Variants in SRSF6 observed in about 807,000 individuals in gnomAD.
SRSF6 encodes serine/arginine-rich splicing factor 6.
SRSF6 carries 17 observed loss-of-function variants against 42.0 expected under a neutral mutation model. The observed-to-expected ratio is 0.40, with a 90% confidence interval of 0.28 to 0.61. The LOEUF (loss-of-function observed/expected upper bound fraction) is 0.61, where lower values mean the gene tolerates loss of function less well. Among genes scored for constraint, SRSF6 ranks in the 20% least tolerant of loss-of-function variants. The pLI, the probability that SRSF6 is intolerant of heterozygous loss-of-function variation, is 0.37. For missense variants in SRSF6, 379 were observed against 471.4 expected, an observed-to-expected ratio of 0.80 and a Z score of 1.81; for synonymous variants, 204 against 166.7, an observed-to-expected ratio of 1.22 and a Z score of -1.72.
At chr20:43,459,061 G>T (rs1404037479) in intron 2 of SRSF6, 2 of 1,198,950 alleles carry the variant, frequency 1.7e-6, no homozygotes, top group East Asian at 1.0e-4. Flanking sequence ...GGAGGTTGGG[G>T]GGATTTTTGG....
At position 43,461,668 on chromosome 20, in the gene SRSF6, A is replaced by G. The variant is rs976328700; in HGVS notation, c.*605A>G. ...AAACAAGGCAAGCCTCAGACCAGCA[A>G]TAAATTACTCAGTTTGGATAACATT... On this transcript the variant is annotated 3_prime_UTR_variant, in exon 6 of 6. Transcript: ENST00000244020. 1 of 152,658 alleles carries G rather than the reference A, an allele frequency of 6.6e-6. No individual in the cohort carries two copies. Among genetic ancestry groups the G allele is most frequent in the African/African-American group, 2.4e-5 (1 of 41,452 alleles). The allele number at this position is 152,658 out of a possible 1,614,324, so 9.5% of individuals were successfully genotyped here. A position where few individuals can be genotyped will look rare whatever the true frequency, so the allele number is the denominator to read the frequency against.
In SRSF6 at chr20:43,458,518, C is replaced by T. The variant is rs1719044679; in HGVS notation, c.256+9C>T. 6.7e-7 allele frequency: 1 copy of T among 1,486,148 alleles called. No individual in the cohort carries two copies. The highest frequency in any genetic ancestry group is 1.5e-5 in the African/African-American group (1 of 68,262). 92.1% of individuals were successfully genotyped at this position (1,486,148 alleles called of 1,614,324 possible). On this transcript the variant is annotated intron_variant, in intron 2 of 5. Coordinates refer to ENST00000244020, the MANE Select transcript of SRSF6 (RefSeq NM_006275.6). Reference sequence around the variant, plus strand: ...CAGCTACGGAAGCCGCAGTGAGTCCCACCCCCGCGCGCTCCGCGCCCTTGG... The same window carrying T: ...CAGCTACGGAAGCCGCAGTGAGTCCTACCCCCGCGCGCTCCGCGCCCTTGG...
Position 43,463,920 on chromosome 20 carries a change from G to A in SRSF6, c.*2857G>A, listed in dbSNP as rs911336202. On this transcript the variant is annotated 3_prime_UTR_variant, in exon 6 of 6. Transcript: ENST00000244020. ...ACAATTTTATTTACAAATATACATGGTTGGACCATACCTTGGAATCTACTT... is the reference window on the plus strand; with the variant it reads ...ACAATTTTATTTACAAATATACATGATTGGACCATACCTTGGAATCTACTT... 1.3e-5 allele frequency: 2 copies of A among 152,198 alleles called. No individual in the cohort carries two copies. Among genetic ancestry groups the A allele is most frequent in the Admixed American group, 6.5e-5 (1 of 15,280 alleles). 9.4% of individuals were successfully genotyped at this position (152,198 alleles called of 1,614,324 possible).
At position 43,462,490 on chromosome 20, in the gene SRSF6, C is replaced by T. The variant is rs1161420134; in HGVS notation, c.*1427C>T. On this transcript the variant is annotated 3_prime_UTR_variant, in exon 6 of 6. Coordinates refer to ENST00000244020, the MANE Select transcript of SRSF6 (RefSeq NM_006275.6). ...TTTAATACCTTTCTAGGAGGTGTCA[C>T]AATGTAGGGTACCAAGGGTTGGATT... 1 of 152,104 alleles carries T rather than the reference C, an allele frequency of 6.6e-6. No homozygotes were observed. The allele number at this position is 152,104 out of a possible 1,614,324, so 9.4% of individuals were successfully genotyped here.
rs749873154 is a variant in SRSF6, at chr20:43,460,179, T to C, written c.528T>C (p.Ile176=). 3 of 1,614,228 alleles carry C rather than the reference T, an allele frequency of 1.9e-6. No homozygotes were observed. The highest frequency in any genetic ancestry group is 2.5e-6 in the Non-Finnish European group (3 of 1,180,028). The part of the protein sequence containing the change: ...LDGTEINGRN[I]RLIEDKPRTS... ...GCACAGAAATAAATGGCAGAAATAT[T>C]AGGCTTATTGAAGATAAGCCACGCA... Residue 176 remains isoleucine (I), a synonymous_variant, in exon 4 of 6, where the codon ATT becomes ATC. Transcript: ENST00000244020.
intron 2 of SRSF6, chr20:43,459,262 G>C (rs1193951174): frequency 5.9e-6 from 8 of 1,352,092 alleles, no homozygotes; most frequent in Non-Finnish European, 7.8e-6. Context: ...CCCTTTGGCT[G>C]ACCTTACCGG....
intron 5 of SRSF6, 52 bp downstream of exon 5, chr20:43,460,650 A>C (rs781665429): frequency 6.2e-7 from 1 of 1,613,076 alleles, no homozygotes; most frequent in South Asian, 1.1e-5. Context: ...TTGTTTATGG[A>C]GTATGTGTAC....
Position 43,460,120 on chromosome 20 carries a change from T to C in SRSF6, c.469T>C (p.Ser157Pro). The change falls in exon 4 of 6, where the codon TCT (serine) becomes CCT (proline). Residue 157 changes from serine to proline, a missense_variant. Ser to Pro is a moderately conservative substitution (Grantham distance 74, BLOSUM62 -1). This residue lies in a region of SRSF6 where 43 missense variants were observed against 108.5 expected (regional missense o/e 0.40). Coordinates refer to ENST00000244020, the MANE Select transcript of SRSF6 (RefSeq NM_006275.6). ...NEGVIEFRSY[S>P]DMKRALDKLD... Reference sequence around the variant, plus strand: ...GGGTGTAATTGAGTTTCGCTCCTACTCTGACATGAAGCGTGCTTTGGACAA... The same window carrying C: ...GGGTGTAATTGAGTTTCGCTCCTACCCTGACATGAAGCGTGCTTTGGACAA... 6.2e-7 allele frequency: 1 copy of C among 1,614,220 alleles called. No individual in the cohort carries two copies. The highest frequency in any genetic ancestry group is 8.5e-7 in the Non-Finnish European group (1 of 1,180,050).
rs1175481920 is a variant in SRSF6 at position 43,458,433 on chromosome 20, C to T, written c.180C>T (p.Leu60=). 4.5e-6 allele frequency: 7 copies of T among 1,540,248 alleles called. No homozygotes were observed. The highest frequency in any genetic ancestry group is 4.3e-5 in the African/African-American group (3 of 69,462). ...DAVYELNGKE[L]CGERVIVEHA... ...TTTACGAGCTGAACGGCAAGGAGCT[C>T]TGCGGCGAGCGCGTGATCGTAGAGC... The change falls in exon 2 of 6, where the codon CTC becomes CTT. Residue 60 remains leucine, a synonymous_variant. Coordinates refer to ENST00000244020, the MANE Select transcript of SRSF6 (RefSeq NM_006275.6).
chr20:43,461,002 G>C lies in SRSF6; in HGVS notation c.974G>C (p.Arg325Thr), dbSNP rs770725827. Residue 325 changes from arginine (R) to threonine (T), a missense_variant, in exon 6 of 6, where the codon AGA becomes ACA. Physicochemically the swap from Arg to Thr is moderately conservative, Grantham distance 71. This residue lies in a region of SRSF6 where 219 missense variants were observed against 216.1 expected (regional missense o/e 1.01). Transcript: ENST00000244020. ...CCTCCACCAAAAAGAGCTACTTCAA[G>C]ATCCCGTTCTAGATCTCGCTCAAAG... ...VSPPPKRATS[R>T]SRSRSRSKSR... is the part of the protein sequence containing the mutation. 3.7e-6 allele frequency: 6 copies of C among 1,612,806 alleles called. No individual in the cohort carries two copies. Among genetic ancestry groups the C allele is most frequent in the Non-Finnish European group, 5.1e-6 (6 of 1,179,608 alleles).
In SRSF6 at chr20:43,461,372, T is replaced by TTTTTTTTTTTTG. The variant is rs2017595735; in HGVS notation, c.*311_*312insTTTTTTTTTGTT. Reference sequence around the variant, plus strand: ...TTTTTTTTTTTTTTTTTTTTTTTTTTTTAGTATTTCAGCAGGATCTGCTGG... The same window carrying TTTTTTTTTTTTG: ...TTTTTTTTTTTTTTTTTTTTTTTTTTTTTTTTTTTTTGTTAGTATTTCAGCAGGATCTGCTGG... On this transcript the variant is annotated 3_prime_UTR_variant, in exon 6 of 6. Coordinates refer to ENST00000244020, the MANE Select transcript of SRSF6 (RefSeq NM_006275.6). 5.2e-6 allele frequency: 1 copy of TTTTTTTTTTTTG among 191,998 alleles called. No homozygotes were observed. Among genetic ancestry groups the TTTTTTTTTTTTG allele is most frequent in the Non-Finnish European group, 9.5e-6 (1 of 105,570 alleles). 11.9% of individuals were successfully genotyped at this position (191,998 alleles called of 1,614,324 possible).
At position 43,461,073 on chromosome 20, in the gene SRSF6, C is replaced by G. The variant is rs763647356; in HGVS notation, c.*10C>G. ...GAGTTCCAGAGATTAACTCAGAACT[C>G]CTTGTTTGCACATTATTATGGAACA... is the stretch of plus-strand genomic sequence containing the variant. On this transcript the variant is annotated 3_prime_UTR_variant, in exon 6 of 6. Transcript: ENST00000244020. 2 of 1,547,660 alleles carry G rather than the reference C, an allele frequency of 1.3e-6. No homozygotes were observed. The highest frequency in any genetic ancestry group is 4.2e-5 in the Admixed American group (2 of 48,140).
At chr20:43,458,611 G>A (rs2017538668) in intron 2 of SRSF6, 102 bp downstream of exon 2, 2 of 1,224,224 alleles carry the variant, frequency 1.6e-6, no homozygotes, top group East Asian at 3.1e-5. Flanking sequence ...GCCGGGGGTC[G>A]TTTGACTTGG....
In SRSF6 at chr20:43,457,943, G is replaced by C. The variant is rs575280592; in HGVS notation, c.-91G>C. ...CCCCTGTGGTGTGAGGCGCGTGTTCGGGCTCTTGCCGTCCCCGCACCCGCA... is the reference window on the plus strand; with the variant it reads ...CCCCTGTGGTGTGAGGCGCGTGTTCCGGCTCTTGCCGTCCCCGCACCCGCA... On this transcript the variant is annotated 5_prime_UTR_variant, in exon 1 of 6. Transcript: ENST00000244020. 9 of 1,087,246 alleles carry C rather than the reference G, an allele frequency of 8.3e-6. No individual in the cohort carries two copies. In the East Asian group the frequency reaches 1.6e-4, roughly 19 times the overall value. 67.3% of individuals were successfully genotyped at this position (1,087,246 alleles called of 1,614,324 possible).
At position 43,457,950 on chromosome 20, in the gene SRSF6, T is replaced by TG; in HGVS notation, c.-83dup. 1 of 1,184,844 alleles carries TG rather than the reference T, an allele frequency of 8.4e-7. No homozygotes were observed. Among genetic ancestry groups the TG allele is most frequent in the Non-Finnish European group, 1.2e-6 (1 of 817,778 alleles). 73.4% of individuals were successfully genotyped at this position (1,184,844 alleles called of 1,614,324 possible). ...GGTGTGAGGCGCGTGTTCGGGCTCT[T>TG]GCCGTCCCCGCACCCGCACCGCGGT... On this transcript the variant is annotated 5_prime_UTR_variant, in exon 1 of 6. Coordinates refer to ENST00000244020, the MANE Select transcript of SRSF6 (RefSeq NM_006275.6).
chr20:43,460,927 G>A lies in SRSF6; in HGVS notation c.899G>A (p.Arg300His), dbSNP rs769242315. Reference protein sequence around the residue: ...KSKSRSRSQSRSNSPLPVPPS... With the variant: ...KSKSRSRSQSHSNSPLPVPPS... ...AAATCCAGATCAAGGAGCCAGTCCC[G>A]TTCCAATTCGCCGCTACCTGTTCCA... Residue 300 changes from arginine to histidine, a missense_variant, in exon 6 of 6, where the codon CGT becomes CAT. Physicochemically the swap from Arg to His is conservative, Grantham distance 29. Transcript: ENST00000244020. 13 of 1,613,950 alleles carry A rather than the reference G, an allele frequency of 8.1e-6. No homozygotes were observed. The highest frequency in any genetic ancestry group is 1.7e-5 in the Admixed American group (1 of 59,986).
At chr20:43,458,582 A>C in intron 2 of SRSF6, 73 bp downstream of exon 2, 2 of 1,381,796 alleles carry the variant, frequency 1.4e-6, no homozygotes, top group South Asian at 1.5e-5. Flanking sequence ...GGGGCCTCCC[A>C]GCCCGGGCAG....
chr20:43,462,530 T>TCGTA lies in SRSF6; in HGVS notation c.*1469_*1472dup, dbSNP rs1207019487. 1.3e-5 allele frequency: 2 copies of TCGTA among 152,214 alleles called. No individual in the cohort carries two copies. Among genetic ancestry groups the TCGTA allele is most frequent in the Admixed American group, 6.5e-5 (1 of 15,272 alleles). 9.4% of individuals were successfully genotyped at this position (152,214 alleles called of 1,614,324 possible). The stretch of plus-strand genomic sequence containing the variant: ...AGGGTTGGATTGTGATGGGGCATGG[T>TCGTA]CGTACACTGCTCATTGTGCCACAGG... On this transcript the variant is annotated 3_prime_UTR_variant, in exon 6 of 6. Coordinates refer to ENST00000244020, the MANE Select transcript of SRSF6 (RefSeq NM_006275.6).
rs1402632394 is a variant in SRSF6, at chr20:43,458,504, G to A, written c.251G>A (p.Ser84Asn). ...GATCGCGACGGCTACAGCTACGGAA[G>A]CCGCAGTGAGTCCCACCCCCGCGCG... is the stretch of plus-strand genomic sequence containing the variant. ...RRDRDGYSYG[S>N]RSGGGGYSSR... The change falls in exon 2 of 6, where the codon AGC becomes AAC. Residue 84 changes from serine to asparagine, a missense_variant. Physicochemically the swap from Ser to Asn is conservative, Grantham distance 46 (BLOSUM62 1). Transcript: ENST00000244020. 15 of 1,503,320 alleles carry A rather than the reference G, an allele frequency of 1.0e-5. No homozygotes were observed. The Admixed American group carries it at 1.7e-4, about 17-fold the overall frequency. The allele number at this position is 1,503,320 out of a possible 1,614,324, so 93.1% of individuals were successfully genotyped here. A position where few individuals can be genotyped will look rare whatever the true frequency, so the allele number is the denominator to read the frequency against.
Sources: allele counts gnomAD v4.1 joint callset, GRCh38; gene constraint gnomAD v4.1.1; regional missense constraint gnomAD v4.1.1; transcripts MANE v1.5; gene names NCBI Gene and HGNC (gene_info 2026-07-23, HGNC 2026-07-21).